The following GRIN2B variants were observed in gnomAD, a reference collection of about 807,000 sequenced individuals.
GRIN2B encodes the protein glutamate receptor ionotropic, NMDA 2B.
Under a neutral mutation model 114.5 loss-of-function variants are expected in GRIN2B, and 5 were observed. The observed-to-expected ratio is 0.04, with a 90% CI of 0.02 to 0.09. GRIN2B has a LOEUF of 0.09. GRIN2B is among the 10% of genes least tolerant of loss of function. The pLI, the probability that GRIN2B is intolerant of heterozygous loss-of-function variation, is 1.00. For synonymous variants in GRIN2B, 787 were observed against 745.1 expected (o/e 1.06, Z -0.92); for missense variants, 1,108 against 1,943.5 (o/e 0.57, Z 8.08).
At chr12:13,752,583 C>T (rs987613555) in intron 4 of GRIN2B, among the ~76,000 whole-genome samples, 2 of 152,158 alleles carry the variant, frequency 1.3e-5, no homozygotes, top group Non-Finnish European at 2.9e-5. Flanking sequence ...AGTATAGAAT[C>T]TTCTACCCCA....
intron 2 of GRIN2B, among the ~76,000 whole-genome samples, chr12:13,959,955 G>GA (rs977457532): frequency 1.8e-4 from 27 of 152,148 alleles, no homozygotes; most frequent in Admixed American, 9.8e-4. Flanking sequence ...GGAGGACGGA[G>GA]AAAAAACAGA....
intron 2 of GRIN2B, among the ~76,000 whole-genome samples, chr12:13,890,939 C>T (rs1051809201): frequency 3.3e-5 from 5 of 152,268 alleles, no homozygotes; most frequent in Admixed American, 2.0e-4. Flanking sequence ...AGCAGGTTTC[C>T]TCTGCAGATG....
chr12:13,613,546 C>T (rs939842482), intron 8 of GRIN2B, among the ~76,000 whole-genome samples: 5 of 152,050 alleles, frequency 3.3e-5, no homozygotes, highest in Admixed American at 6.6e-5. Context: ...TCTTTGTCCC[C>T]CCATGCTGGT....
chr12:13,826,026 CT>C (rs1008677156), intron 3 of GRIN2B, among the ~76,000 whole-genome samples: 25 of 150,432 alleles, frequency 1.7e-4, no homozygotes, highest in African/African-American at 3.7e-4. Context: ...TTTGTTTCTT[CT>C]TTTTTTTTCT....
At chr12:13,942,469 G>A (rs930371609) in intron 2 of GRIN2B, among the ~76,000 whole-genome samples, 2 of 152,190 alleles carry the variant, frequency 1.3e-5, no homozygotes, top group African/African-American at 4.8e-5. Context: ...TTAAGGGCTA[G>A]AATGTCTTCT....
intron 3 of GRIN2B, among the ~76,000 whole-genome samples, chr12:13,813,767 C>CT (rs1864773488): frequency 1.3e-5 from 2 of 152,166 alleles, no homozygotes; most frequent in South Asian, 2.1e-4. Flanking sequence ...GAATTCATTC[C>CT]TTTTTTGAAT....
chr12:13,698,324 C>T (rs980983296), intron 4 of GRIN2B, among the ~76,000 whole-genome samples: 1 of 152,192 alleles, frequency 6.6e-6, no homozygotes, highest in Non-Finnish European at 1.5e-5. Flanking sequence ...CAAGGAGAGC[C>T]CCTATAGAAA....
chr12:13,649,524 G>T (rs2136515073), intron 5 of GRIN2B, among the ~76,000 whole-genome samples: 1 of 152,082 alleles, frequency 6.6e-6, no homozygotes, highest in East Asian at 1.9e-4. Context: ...GAATCTTAGA[G>T]CCTACATTTT....
At chr12:13,757,547 T>C (rs970268489) in intron 3 of GRIN2B, among the ~76,000 whole-genome samples, 2 of 152,122 alleles carry the variant, frequency 1.3e-5, no homozygotes, top group African/African-American at 4.8e-5. Flanking sequence ...GCTTCCCCAC[T>C]TACATTTTTA....
intron 5 of GRIN2B, among the ~76,000 whole-genome samples, chr12:13,663,913 GA>G (rs1434311895): frequency 6.6e-6 from 1 of 152,150 alleles, no homozygotes; most frequent in Non-Finnish European, 1.5e-5. Context: ...CTACATGTCA[GA>G]TATTGTGCTA....
At chr12:13,706,751 T>C (rs1330590662) in intron 4 of GRIN2B, among the ~76,000 whole-genome samples, 3 of 152,114 alleles carry the variant, frequency 2.0e-5, no homozygotes, top group Non-Finnish European at 4.4e-5. Context: ...CCTGTTTGCC[T>C]CAGCTCCACA....
intron 4 of GRIN2B, among the ~76,000 whole-genome samples, chr12:13,685,379 G>A (rs1356687088): frequency 2.0e-5 from 3 of 152,224 alleles, no homozygotes; most frequent in Non-Finnish European, 4.4e-5. Flanking sequence ...TTACAGGGCT[G>A]GAGAGTGGAA....
intron 4 of GRIN2B, among the ~76,000 whole-genome samples, chr12:13,727,959 T>C (rs1259526902): frequency 6.6e-6 from 1 of 152,214 alleles, no homozygotes; most frequent in African/African-American, 2.4e-5. Flanking sequence ...TCATTGACCC[T>C]TTCACTGTAG....
intron 10 of GRIN2B, among the ~76,000 whole-genome samples, chr12:13,579,691 C>T (rs781539601): frequency 2.0e-5 from 3 of 152,138 alleles, no homozygotes; most frequent in Non-Finnish European, 4.4e-5. Flanking sequence ...GTGTGCAGAA[C>T]AGGTTGAAAG....
intron 2 of GRIN2B, among the ~76,000 whole-genome samples, chr12:13,958,534 C>A (rs977886034): frequency 5.3e-5 from 8 of 152,204 alleles, no homozygotes; most frequent in African/African-American, 1.9e-4. Flanking sequence ...GGTTAGTACA[C>A]AATATGTTTC....
chr12:13,860,445 C>T (rs745578044), intron 3 of GRIN2B, among the ~76,000 whole-genome samples: 7 of 152,174 alleles, frequency 4.6e-5, no homozygotes, highest in Non-Finnish European at 7.3e-5. Context: ...TCTCCTACAT[C>T]AACCTCCCAA....
intron 5 of GRIN2B, among the ~76,000 whole-genome samples, chr12:13,674,480 C>T (rs1186364155): frequency 6.6e-6 from 1 of 152,104 alleles, no homozygotes; most frequent in African/African-American, 2.4e-5. Context: ...ATCCTGGATT[C>T]TACTGCCTGA....
chr12:13,823,505 A>T (rs1320932886), intron 3 of GRIN2B, among the ~76,000 whole-genome samples: 1 of 152,060 alleles, frequency 6.6e-6, no homozygotes, highest in Non-Finnish European at 1.5e-5. Flanking sequence ...TTTGTATATT[A>T]ACTTTGTATC....
intron 3 of GRIN2B, among the ~76,000 whole-genome samples, chr12:13,811,700 A>G (rs1157455810): frequency 6.6e-6 from 1 of 152,228 alleles, no homozygotes; most frequent in Non-Finnish European, 1.5e-5. Context: ...CATTTCCTGC[A>G]TTTCCCCTCA....
Sources: gnomAD v4.1 joint callset for allele counts (sites outside exome capture counted in the v4.1 genomes callset) on GRCh38, gnomAD v4.1.1 for gene constraint, MANE v1.5 for transcripts, NCBI Gene and HGNC (gene_info 2026-07-23, HGNC 2026-07-21) for gene names.